Variants in DACH1 observed in about 807,000 individuals in gnomAD.
DACH1 encodes the protein dachshund family transcription factor 1, also known as dachshund homolog 1.
Under a neutral mutation model 54.2 loss-of-function variants are expected in DACH1, and 12 were observed. The observed-to-expected ratio is 0.22, with a 90% confidence interval of 0.14 to 0.36. The LOEUF is 0.36. Among genes scored for constraint, DACH1 ranks in the 10% least tolerant of loss-of-function variants. The probability of loss-of-function intolerance (pLI) is 1.00; values close to 1 mark genes in which losing one functional copy is unlikely to be tolerated. For missense variants in DACH1, 805 were observed against 929.8 expected, an observed-to-expected ratio of 0.87 and a Z score of 1.75; for synonymous variants, 386 against 366.2, an observed-to-expected ratio of 1.05 and a Z score of -0.62.
chr13:71,655,359 C>CTT (rs764085708), intron 2 of DACH1, among the ~76,000 whole-genome samples: 1 of 143,004 alleles, frequency 7.0e-6, no homozygotes, highest in African/African-American at 2.6e-5. Context: ...GGTGATGTCT[C>CTT]TTTTTTTTTT....
chr13:71,742,654 C>T (rs1373172398), intron 1 of DACH1, among the ~76,000 whole-genome samples: 1 of 152,110 alleles, frequency 6.6e-6, no homozygotes, highest in Non-Finnish European at 1.5e-5. Flanking sequence ...CTGCTGTCTG[C>T]AGAATTGCAG....
intron 10 of DACH1, among the ~76,000 whole-genome samples, chr13:71,470,387 C>T (rs2138160437): frequency 6.6e-6 from 1 of 151,536 alleles, no homozygotes; most frequent in African/African-American, 2.4e-5. Flanking sequence ...CGGCTCACTG[C>T]AACCTCTGCC....
chr13:71,866,588 G>A lies in DACH1; in HGVS notation c.182C>T (p.Ala61Val), dbSNP rs759575601. 2.2e-4 allele frequency: 287 copies of A among 1,296,726 alleles called. No individual in the cohort carries two copies. The highest frequency in any genetic ancestry group is 1.6e-3 in the Middle Eastern group (6 of 3,770). The allele number at this position is 1,296,726 out of a possible 1,614,324, so 80.3% of individuals were successfully genotyped here. A position where few individuals can be genotyped will look rare whatever the true frequency, so the allele number is the denominator to read the frequency against. ...GPTLFRPEPI[A>V]SAAAAAATVT... ...TGTGGCCGCCGCCGCCGCCGCCGAAGCGATGGGCTCCGGGCGGAACAGAGT... is the reference window on the plus strand; with the variant it reads ...TGTGGCCGCCGCCGCCGCCGCCGAAACGATGGGCTCCGGGCGGAACAGAGT... The change falls in exon 1 of 11, where the codon GCT becomes GTT. Residue 61 changes from alanine to valine, a missense_variant. Physicochemically the swap from Ala to Val is moderately conservative, Grantham distance 64. Around this residue, in one of 3 missense-constraint regions of DACH1, gnomAD observed 305 missense variants for 308.7 expected, o/e 0.99. Coordinates refer to ENST00000613252, the MANE Select transcript of DACH1 (RefSeq NM_080759.6).
At chr13:71,445,027 C>G (rs1874324174) in intron 10 of DACH1, among the ~76,000 whole-genome samples, 1 of 152,128 alleles carries the variant, frequency 6.6e-6, no homozygotes, top group Non-Finnish European at 1.5e-5. Context: ...AAGAATTACT[C>G]TATAGCGCTT....
intron 6 of DACH1, among the ~76,000 whole-genome samples, chr13:71,552,842 T>TAGAGAGAGAGAGAGAG (rs1167871695): frequency 8.0e-5 from 1 of 12,536 alleles, no homozygotes; most frequent in Non-Finnish European, 1.4e-4. Flanking sequence ...TATATATATA[T>TAGAGAGAGAGAGAGAG]AGAGAGAGAG....
At chr13:71,593,212 G>T (rs1170803098) in intron 3 of DACH1, among the ~76,000 whole-genome samples, 1 of 151,996 alleles carries the variant, frequency 6.6e-6, no homozygotes, top group African/African-American at 2.4e-5. Flanking sequence ...TCCTTTTATC[G>T]AAGATGGTAT....
intron 6 of DACH1, among the ~76,000 whole-genome samples, chr13:71,539,089 G>A (rs1008187879): frequency 1.3e-5 from 2 of 151,980 alleles, no homozygotes; most frequent in Non-Finnish European, 2.9e-5. Context: ...AGCTGAAATT[G>A]TTATGGTTCT....
At chr13:71,760,776 C>G (rs927441140) in intron 1 of DACH1, among the ~76,000 whole-genome samples, 1 of 151,804 alleles carries the variant, frequency 6.6e-6, no homozygotes, top group Non-Finnish European at 1.5e-5. Flanking sequence ...TGTCTTTTTT[C>G]TCTCTCTCTT....
At chr13:71,472,511 G>A (rs1877171108) in intron 10 of DACH1, among the ~76,000 whole-genome samples, 1 of 152,134 alleles carries the variant, frequency 6.6e-6, no homozygotes, top group Non-Finnish European at 1.5e-5. Context: ...TGCCAGAAAT[G>A]TTAAAAATAC....
intron 1 of DACH1, among the ~76,000 whole-genome samples, chr13:71,730,095 A>G (rs952712493): frequency 1.3e-5 from 2 of 152,160 alleles, no homozygotes; most frequent in African/African-American, 4.8e-5. Flanking sequence ...ATAAAGAAAC[A>G]TGCTAGATGA....
intron 2 of DACH1, among the ~76,000 whole-genome samples, chr13:71,634,614 C>T (rs1451410740): frequency 6.6e-6 from 1 of 152,304 alleles, no homozygotes; most frequent in South Asian, 2.1e-4. Flanking sequence ...TGACTCTTAA[C>T]TATCTACCTA....
chr13:71,563,641 A>G (rs1275700888), intron 4 of DACH1, among the ~76,000 whole-genome samples: 1 of 151,856 alleles, frequency 6.6e-6, no homozygotes, highest in Non-Finnish European at 1.5e-5. Flanking sequence ...AATACTCTTA[A>G]AAAGGCATAT....
At chr13:71,515,821 G>T (rs1881111996) in intron 6 of DACH1, among the ~76,000 whole-genome samples, 1 of 151,796 alleles carries the variant, frequency 6.6e-6, no homozygotes, top group East Asian at 1.9e-4. Context: ...TCTTTCAGGA[G>T]CACACTTGCC....
chr13:71,528,093 A>T (rs1479793174), intron 6 of DACH1, among the ~76,000 whole-genome samples: 1 of 152,174 alleles, frequency 6.6e-6, no homozygotes, highest in Non-Finnish European at 1.5e-5. Context: ...AATGAGAAAG[A>T]ATAATCCAAC....
chr13:71,735,673 C>A (rs1019457484), intron 1 of DACH1, among the ~76,000 whole-genome samples: 4 of 104,978 alleles, frequency 3.8e-5, no homozygotes, highest in African/African-American at 1.1e-4. Context: ...ATATATATCC[C>A]TTCCTACTTG....
intron 3 of DACH1, among the ~76,000 whole-genome samples, chr13:71,583,507 T>C (rs1872995094): frequency 6.6e-6 from 1 of 152,124 alleles, no homozygotes; most frequent in Non-Finnish European, 1.5e-5. Flanking sequence ...GCTACTGAAT[T>C]TTAAATACTT....
intron 5 of DACH1, among the ~76,000 whole-genome samples, chr13:71,557,828 T>G (rs972831371): frequency 2.4e-5 from 2 of 83,012 alleles, no homozygotes; most frequent in African/African-American, 9.5e-5. Context: ...TTCTACAAAA[T>G]AAATGGCCTG....
chr13:71,588,960 T>C (rs950693052), intron 3 of DACH1, among the ~76,000 whole-genome samples: 5 of 152,002 alleles, frequency 3.3e-5, no homozygotes, highest in Non-Finnish European at 7.4e-5. Flanking sequence ...ATGTCCATCA[T>C]AATCAAGACA....
At chr13:71,567,494 A>G (rs1329608273) in intron 4 of DACH1, among the ~76,000 whole-genome samples, 1 of 152,052 alleles carries the variant, frequency 6.6e-6, no homozygotes, top group African/African-American at 2.4e-5. Flanking sequence ...AAGTATGACT[A>G]TATTTCACAG....
Sources: allele counts gnomAD v4.1 joint callset (sites outside exome capture counted in the v4.1 genomes callset), GRCh38; gene constraint gnomAD v4.1.1; regional missense constraint gnomAD v4.1.1; transcripts MANE v1.5; gene names NCBI Gene and HGNC (gene_info 2026-07-23, HGNC 2026-07-21).